SLC35F4: variants seen among roughly 807,000 people sequenced by gnomAD.
The protein encoded by SLC35F4 is chromosome 14 open reading frame 36.
A neutral mutation model predicts 44.2 loss-of-function variants in SLC35F4; 24 were observed. The observed-to-expected ratio is 0.54, with a 90% CI of 0.39 to 0.76. The LOEUF (loss-of-function observed/expected upper bound fraction) is 0.76. SLC35F4 is among the 30% of genes least tolerant of loss of function. The pLI is 0.00. For synonymous variants in SLC35F4, 238 were observed against 223.6 expected (o/e 1.06, Z -0.57); for missense variants, 562 against 586.1 (o/e 0.96, Z 0.42).
chr14:57,858,774 C>T lies in SLC35F4; in HGVS notation c.103+6949G>A, dbSNP rs187368707. On this transcript the variant is annotated intron_variant, in intron 1 of 7. Transcript: ENST00000556826. Reference sequence around the variant, plus strand: ...ATGATGAGACTATGACCAGAGTGTGCGAAGATCATATGGGATATAAGATCT... The same window carrying T: ...ATGATGAGACTATGACCAGAGTGTGTGAAGATCATATGGGATATAAGATCT... Among the ~76,000 whole-genome samples, 78 of 150,260 alleles carry T rather than the reference C, an allele frequency of 5.2e-4. 1 individual carries two copies. Among genetic ancestry groups the T allele is most frequent in the Middle Eastern group, 3.4e-3 (1 of 292 alleles).
At chr14:57,577,479 T>G (rs1051927261) in intron 4 of SLC35F4, among the ~76,000 whole-genome samples, 1 of 151,986 alleles carries the variant, frequency 6.6e-6, no homozygotes, top group Admixed American at 6.6e-5. Context: ...TCTCCATATC[T>G]TCAAGGAAAT....
intron 1 of SLC35F4, among the ~76,000 whole-genome samples, chr14:57,715,576 T>C (rs1430785423): frequency 6.6e-6 from 1 of 152,108 alleles, no homozygotes; most frequent in Non-Finnish European, 1.5e-5. Flanking sequence ...AAGGGTATGG[T>C]CCTGGGAGTG....
At chr14:57,722,956 A>G (rs2076120176) in intron 1 of SLC35F4, among the ~76,000 whole-genome samples, 1 of 152,182 alleles carries the variant, frequency 6.6e-6, no homozygotes, top group African/African-American at 2.4e-5. Context: ...CTGACAATTT[A>G]TACTGTTCAT....
intron 1 of SLC35F4, among the ~76,000 whole-genome samples, chr14:57,873,616 AG>A (rs1426054060): frequency 4.6e-5 from 7 of 151,772 alleles, no homozygotes; most frequent in African/African-American, 1.7e-4. Context: ...TTTTTAATGC[AG>A]GGGGAAAATA....
At chr14:57,981,810 A>C (rs1464787787) in intron 1 of SLC35F4, 1 of 151,590 alleles carries the variant, frequency 6.6e-6, no homozygotes, top group Non-Finnish European at 1.5e-5. Flanking sequence ...ATTATATGCC[A>C]TTTAAGAGAG....
At chr14:57,762,207 C>T (rs2077139988) in intron 1 of SLC35F4, among the ~76,000 whole-genome samples, 1 of 152,172 alleles carries the variant, frequency 6.6e-6, no homozygotes, top group South Asian at 2.1e-4. Context: ...CTGCCTCCCT[C>T]CCAAACTCTC....
chr14:57,591,198 G>A (rs1024225284), intron 2 of SLC35F4, among the ~76,000 whole-genome samples: 3 of 152,210 alleles, frequency 2.0e-5, no homozygotes, highest in Admixed American at 1.3e-4. Context: ...AAAGACTTCA[G>A]CCCATGGTCT....
chr14:57,829,692 G>A (rs1259412349), intron 1 of SLC35F4, among the ~76,000 whole-genome samples: 4 of 152,142 alleles, frequency 2.6e-5, no homozygotes, highest in African/African-American at 7.2e-5. Flanking sequence ...CTCCTTTCCT[G>A]GGTGCTGTGA....
chr14:57,600,025 G>GC (rs2070722533), intron 1 of SLC35F4, among the ~76,000 whole-genome samples: 1 of 151,958 alleles, frequency 6.6e-6, no homozygotes, highest in African/African-American at 2.4e-5. Flanking sequence ...AAAGTTGGGT[G>GC]GAAAAAAGTG....
intron 1 of SLC35F4, among the ~76,000 whole-genome samples, chr14:57,836,797 C>A (rs1884979940): frequency 6.6e-6 from 1 of 152,116 alleles, no homozygotes; most frequent in South Asian, 2.1e-4. Context: ...TTACTTTAAG[C>A]AGATCACAGA....
chr14:57,574,609 A>G (rs896018682), intron 4 of SLC35F4, among the ~76,000 whole-genome samples: 1 of 152,208 alleles, frequency 6.6e-6, no homozygotes, highest in Non-Finnish European at 1.5e-5. Context: ...TTAAATTTCA[A>G]AAATATCTGA....
chr14:57,826,709 C>T (rs113509404), intron 1 of SLC35F4, among the ~76,000 whole-genome samples: 4,536 of 150,754 alleles, frequency 0.03, 208 homozygotes, highest in African/African-American at 0.1. Flanking sequence ...CATGAACAGA[C>T]ACTTCTCAAA....
At chr14:57,603,429 A>C (rs925315735) in intron 1 of SLC35F4, among the ~76,000 whole-genome samples, 2 of 152,186 alleles carry the variant, frequency 1.3e-5, no homozygotes, top group African/African-American at 4.8e-5. Flanking sequence ...CTCCCTCATT[A>C]TATAAGTCTT....
intron 1 of SLC35F4, among the ~76,000 whole-genome samples, chr14:57,912,944 C>G (rs1889246352): frequency 6.6e-6 from 1 of 152,058 alleles, no homozygotes; most frequent in African/African-American, 2.4e-5. Context: ...TTTTGATGCT[C>G]TGTTGTTAGA....
intron 1 of SLC35F4, among the ~76,000 whole-genome samples, chr14:57,606,363 T>A (rs1407811286): frequency 3.3e-5 from 5 of 152,344 alleles, no homozygotes; most frequent in African/African-American, 1.2e-4. Flanking sequence ...AATGGCATTT[T>A]AAAACTCATA....
chr14:57,880,511 T>TA (rs1370634038), intron 1 of SLC35F4, among the ~76,000 whole-genome samples: 1 of 152,196 alleles, frequency 6.6e-6, no homozygotes, highest in Admixed American at 6.5e-5. Flanking sequence ...TTGAAGTTAA[T>TA]ATTTCTCTTG....
chr14:57,907,440 T>G (rs1405973867), intron 1 of SLC35F4, among the ~76,000 whole-genome samples: 1 of 152,126 alleles, frequency 6.6e-6, no homozygotes, highest in Admixed American at 6.5e-5. Flanking sequence ...AAGGAAACTA[T>G]CCACTTCAGT....
At chr14:57,832,901 G>C (rs542140827) in intron 1 of SLC35F4, among the ~76,000 whole-genome samples, 1 of 152,062 alleles carries the variant, frequency 6.6e-6, no homozygotes, top group African/African-American at 2.4e-5. Flanking sequence ...AAATATTTCA[G>C]GTATTATTTT....
chr14:57,742,064 C>A (rs146481096), intron 1 of SLC35F4, among the ~76,000 whole-genome samples: 17,437 of 152,134 alleles, frequency 0.11, 1,276 homozygotes, highest in South Asian at 0.18. Flanking sequence ...AAAAGAGCTC[C>A]TGAAGGAAGC....
Sources: gnomAD v4.1 joint callset for allele counts (sites outside exome capture counted in the v4.1 genomes callset) on GRCh38, gnomAD v4.1.1 for gene constraint, MANE v1.5 for transcripts, NCBI Gene and HGNC (gene_info 2026-07-23, HGNC 2026-07-21) for gene names.